Variants in TIAL1 observed in about 807,000 individuals in gnomAD.
The protein encoded by TIAL1 is TIA1 cytotoxic granule associated RNA binding protein like 1.
TIAL1 carries 7 observed loss-of-function variants against 59.7 expected under a neutral mutation model. That is an observed-to-expected ratio of 0.12 (90% CI 0.07 to 0.22). TIAL1 has a LOEUF of 0.22. Ranked by LOEUF, TIAL1 falls within the 10% of genes least tolerant of loss-of-function variation. TIAL1 has a pLI of 1.00. For missense variants in TIAL1, 225 were observed against 462.5 expected (o/e 0.49, Z 4.71); for synonymous variants, 149 against 146.3 (o/e 1.02, Z -0.13).
At chr10:119,590,742 GAGAGAGAC>G (rs138794298) in intron 1 of TIAL1, among the ~76,000 whole-genome samples, 20,912 of 128,990 alleles carry the variant, frequency 0.16, 2,027 homozygotes, top group African/African-American at 0.24. Context: ...GAGAGAAAGA[GAGAGAGAC>G]AGAGAGAAAG....
chr10:119,579,817 C>A (rs1486282563), intron 6 of TIAL1, 118 bp downstream of exon 6: 2 of 687,402 alleles, frequency 2.9e-6, no homozygotes, highest in South Asian at 2.6e-5. Flanking sequence ...CATAACATTA[C>A]ATAAAAGTTG....
chr10:119,583,007 C>A (rs925681657), intron 2 of TIAL1, among the ~76,000 whole-genome samples: 1 of 152,124 alleles, frequency 6.6e-6, no homozygotes, highest in African/African-American at 2.4e-5. Context: ...GAACCAACTT[C>A]ATAAACTACT....
chr10:119,591,311 G>A (rs2134003649), intron 1 of TIAL1, among the ~76,000 whole-genome samples: 1 of 152,098 alleles, frequency 6.6e-6, no homozygotes, highest in Admixed American at 6.6e-5. Flanking sequence ...GGAGGCTGAG[G>A]CAGGAGAATC....
At position 119,574,278 on chromosome 10, in the gene TIAL1, A is replaced by G. The variant is rs1844848063; in HGVS notation, c.*1387T>C. On this transcript the variant is annotated 3_prime_UTR_variant, in exon 12 of 12. Coordinates refer to ENST00000436547, the MANE Select transcript of TIAL1 (RefSeq NM_003252.4). Reference sequence around the variant, plus strand: ...TCCTTTACAAACTCTGCACACATACAACTTAAGCCTCTGCTCAGGCTTATT... The same window carrying G: ...TCCTTTACAAACTCTGCACACATACGACTTAAGCCTCTGCTCAGGCTTATT... 2 of 152,196 alleles carry G rather than the reference A, an allele frequency of 1.3e-5. No individual in the cohort carries two copies. 9.4% of individuals were successfully genotyped at this position (152,196 alleles called of 1,614,324 possible).
intron 1 of TIAL1, 79 bp from the exon 2 acceptor site, chr10:119,588,327 TTTTCTTTC>T (rs72518192): frequency 1.2e-3 from 592 of 498,254 alleles, no homozygotes; most frequent in African/African-American, 5.0e-3. Context: ...ATTCATCACC[TTTTCTTTC>T]TTTCTTTCTT....
rs1446211507 is a variant in TIAL1 at position 119,575,459 on chromosome 10, T to C, written c.*206A>G. 2 of 475,566 alleles carry C rather than the reference T, an allele frequency of 4.2e-6. No homozygotes were observed. Among genetic ancestry groups the C allele is most frequent in the Non-Finnish European group, 7.2e-6 (2 of 278,652 alleles). The allele number at this position is 475,566 out of a possible 1,614,324, so 29.5% of individuals were successfully genotyped here. On this transcript the variant is annotated 3_prime_UTR_variant, in exon 12 of 12. Transcript: ENST00000436547. ...AGTTTTTGTACATAAAGAAAAATCA[T>C]GTTCATATCCATCATGAACAAAAAC...
Position 119,575,510 on chromosome 10 carries a change from G to A in TIAL1, c.*155C>T, listed in dbSNP as rs1844942875. The stretch of plus-strand genomic sequence containing the variant: ...TTAAAAAGGCAGAACTAGAAGACAC[G>A]TGTCCTTCACCAAAGCAAATCTGTG... On this transcript the variant is annotated 3_prime_UTR_variant, in exon 12 of 12. Coordinates refer to ENST00000436547, the MANE Select transcript of TIAL1 (RefSeq NM_003252.4). 2.3e-6 allele frequency: 2 copies of A among 879,844 alleles called. No individual in the cohort carries two copies. Among genetic ancestry groups the A allele is most frequent in the Non-Finnish European group, 3.4e-6 (2 of 590,414 alleles). The allele number at this position is 879,844 out of a possible 1,614,324, so 54.5% of individuals were successfully genotyped here.
At chr10:119,578,604 C>G in intron 7 of TIAL1, 122 bp downstream of exon 7, 1 of 860,418 alleles carries the variant, frequency 1.2e-6, no homozygotes, top group Non-Finnish European at 1.9e-6. Flanking sequence ...GCACTCCAGC[C>G]TGGGCAACAG....
intron 2 of TIAL1, among the ~76,000 whole-genome samples, chr10:119,583,819 T>C (rs1358518053): frequency 6.6e-6 from 1 of 152,194 alleles, no homozygotes; most frequent in Non-Finnish European, 1.5e-5. Flanking sequence ...CCTACTGTTG[T>C]AGCCACGTGA....
At chr10:119,578,490 G>T (rs574010290) in intron 7 of TIAL1, among the ~76,000 whole-genome samples, 1 of 151,920 alleles carries the variant, frequency 6.6e-6, no homozygotes, top group South Asian at 2.1e-4. Flanking sequence ...AATTAGCTGG[G>T]CATGGTGGCA....
intron 1 of TIAL1, among the ~76,000 whole-genome samples, chr10:119,596,056 G>T (rs1589892735): frequency 1.6e-5 from 1 of 62,070 alleles, no homozygotes; most frequent in African/African-American, 6.2e-5. Flanking sequence ...TCCTACCCCC[G>T]CCAGGCCCTT....
Position 119,577,706 on chromosome 10 carries a change from A to G in TIAL1, c.587T>C (p.Val196Ala), listed in dbSNP as rs1273379470. 6.2e-7 allele frequency: 1 copy of G among 1,614,164 alleles called. No homozygotes were observed. ...NNTKQLRFED[V>A]VNQSSPKNCT... ...ATTTTTTGGACTTGACTGGTTTACT[A>G]CATCTTCAAATCTCAACTGCTTAGT... The change falls in exon 8 of 12, where the codon GTA (valine) becomes GCA (alanine). Residue 196 changes from valine to alanine, a missense_variant. Physicochemically the swap from Val to Ala is moderately conservative, Grantham distance 64 (BLOSUM62 0). Around this residue, in one of 4 missense-constraint regions of TIAL1, gnomAD observed 80 missense variants for 158.8 expected, o/e 0.50. Coordinates refer to ENST00000436547, the MANE Select transcript of TIAL1 (RefSeq NM_003252.4).
At position 119,592,763 on chromosome 10, in the gene TIAL1, TCACA is replaced by T. The variant is rs55740460; in HGVS notation, c.32+3667_32+3670del. Among the ~76,000 whole-genome samples, 213 of 149,866 alleles carry T rather than the reference TCACA, an allele frequency of 1.4e-3. 4 individuals carry two copies. The highest frequency in any genetic ancestry group is 0.01 in the Middle Eastern group (3 of 294). Reference sequence around the variant, plus strand: ...GACCAACTATATATATGAGATATTCTCACACACACACACACACACACACACTCAC... The same window carrying T: ...GACCAACTATATATATGAGATATTCTCACACACACACACACACACACTCAC... On this transcript the variant is annotated intron_variant, in intron 1 of 11. Transcript: ENST00000436547.
At chr10:119,578,974 G>C in intron 6 of TIAL1, 140 bp from the exon 7 acceptor site, 2 of 642,534 alleles carry the variant, frequency 3.1e-6, no homozygotes, top group East Asian at 2.8e-5. Flanking sequence ...AAACGAAACT[G>C]AACTATTACC....
chr10:119,585,709 T>C (rs949639823), intron 2 of TIAL1, among the ~76,000 whole-genome samples: 5 of 152,146 alleles, frequency 3.3e-5, no homozygotes, highest in Non-Finnish European at 7.3e-5. Context: ...AGTGAGTCTT[T>C]CCCCACTTTC....
chr10:119,574,594 A>AAAAAAAAAAAAAAAAAAAAAC lies in TIAL1; in HGVS notation c.*1070_*1071insGTTTTTTTTTTTTTTTTTTTT, dbSNP rs1844875397. On this transcript the variant is annotated 3_prime_UTR_variant, in exon 12 of 12. Coordinates refer to ENST00000436547, the MANE Select transcript of TIAL1 (RefSeq NM_003252.4). ...TACCAAGTAATGTAAAGCAAAAAAA[A>AAAAAAAAAAAAAAAAAAAAAC]AAAAAAAAAAAAACAAAAACAAAAA... 1 of 150,386 alleles carries AAAAAAAAAAAAAAAAAAAAAC rather than the reference A, an allele frequency of 6.6e-6. No individual in the cohort carries two copies. The highest frequency in any genetic ancestry group is 1.5e-5 in the Non-Finnish European group (1 of 67,600). The allele number at this position is 150,386 out of a possible 1,614,324, so 9.3% of individuals were successfully genotyped here.
At position 119,574,586 on chromosome 10, in the gene TIAL1, CAAAAAAAAA is replaced by C. The variant is rs5788360; in HGVS notation, c.*1070_*1078del. The C allele has an allele frequency of 6.9e-5, 6 of 86,550 alleles. No homozygotes were observed. In the East Asian group the frequency reaches 1.2e-3, roughly 17 times the overall value. 5.4% of individuals were successfully genotyped at this position (86,550 alleles called of 1,614,324 possible). On this transcript the variant is annotated 3_prime_UTR_variant, in exon 12 of 12. Coordinates refer to ENST00000436547, the MANE Select transcript of TIAL1 (RefSeq NM_003252.4). ...TATTTACATACCAAGTAATGTAAAGCAAAAAAAAAAAAAAAAAAAAACAAAAACAAAAAA... is the reference window on the plus strand; with the variant it reads ...TATTTACATACCAAGTAATGTAAAGCAAAAAAAAAAAACAAAAACAAAAAA...
intron 2 of TIAL1, among the ~76,000 whole-genome samples, chr10:119,584,993 C>G (rs937189112): frequency 1.3e-5 from 2 of 150,140 alleles, no homozygotes; most frequent in African/African-American, 4.9e-5. Flanking sequence ...CATGATGGCA[C>G]GCACCTGTAG....
chr10:119,593,310 A>G (rs1845986055), intron 1 of TIAL1: 1 of 200,440 alleles, frequency 5.0e-6, no homozygotes, highest in African/African-American at 2.4e-5. Flanking sequence ...TCAAATGAGA[A>G]TGAAGAACAT....
Sources: allele counts gnomAD v4.1 joint callset (sites outside exome capture counted in the v4.1 genomes callset), GRCh38; gene constraint gnomAD v4.1.1; regional missense constraint gnomAD v4.1.1; transcripts MANE v1.5; gene names NCBI Gene and HGNC (gene_info 2026-07-23, HGNC 2026-07-21).